Variants in CELF4 observed in about 807,000 individuals in gnomAD.
CELF4 encodes the protein CUG-BP- and ETR-3-like factor 4.
CELF4 carries 18 observed loss-of-function variants against 59.9 expected under a neutral mutation model. The observed-to-expected ratio is 0.30, with a 90% CI of 0.21 to 0.45. CELF4 has a LOEUF of 0.45. Among genes scored for constraint, CELF4 ranks in the 20% least tolerant of loss-of-function variants. The probability of loss-of-function intolerance (pLI) is 1.00; values close to 1 mark genes in which losing one functional copy is unlikely to be tolerated. For synonymous variants in CELF4, 261 were observed against 267.1 expected (o/e 0.98, Z 0.22); for missense variants, 456 against 689.0 (o/e 0.66, Z 3.79).
intron 2 of CELF4, among the ~76,000 whole-genome samples, chr18:37,472,728 G>A (rs545962716): frequency 1.3e-5 from 2 of 152,244 alleles, no homozygotes; most frequent in South Asian, 4.2e-4. Flanking sequence ...CCTGCCCAGC[G>A]GCATGGAGGG....
chr18:37,383,299 G>A (rs571001427), intron 2 of CELF4, among the ~76,000 whole-genome samples: 69 of 152,274 alleles, frequency 4.5e-4, no homozygotes, highest in African/African-American at 1.6e-3. Context: ...GCAGGGAGAC[G>A]TGGGTGGTGC....
At chr18:37,496,309 C>T (rs534904183) in intron 1 of CELF4, among the ~76,000 whole-genome samples, 1 of 152,204 alleles carries the variant, frequency 6.6e-6, no homozygotes, top group Non-Finnish European at 1.5e-5. Flanking sequence ...CTCTGGAACC[C>T]CCTTACCAAG....
At chr18:37,508,611 C>T (rs1292464720) in intron 1 of CELF4, among the ~76,000 whole-genome samples, 1 of 152,250 alleles carries the variant, frequency 6.6e-6, no homozygotes, top group Non-Finnish European at 1.5e-5. Context: ...ACAAATGCCA[C>T]AGGTGCAGCT....
chr18:37,546,641 A>G (rs1283038893), intron 1 of CELF4, among the ~76,000 whole-genome samples: 2 of 152,342 alleles, frequency 1.3e-5, no homozygotes, highest in East Asian at 1.9e-4. Context: ...TCTTTCCAGA[A>G]CAGCGTAGAA....
intron 2 of CELF4, among the ~76,000 whole-genome samples, chr18:37,472,084 G>A (rs1484674668): frequency 6.6e-6 from 1 of 152,238 alleles, no homozygotes; most frequent in Admixed American, 6.5e-5. Flanking sequence ...GAAGAATGGT[G>A]AACAGGGAGT....
At chr18:37,323,100 G>C (rs1048746803) in intron 2 of CELF4, among the ~76,000 whole-genome samples, 4 of 152,124 alleles carry the variant, frequency 2.6e-5, no homozygotes, top group Admixed American at 2.0e-4. Context: ...TTTTGGCTGC[G>C]TCAGGACAAC....
chr18:37,252,524 G>A lies in CELF4; in HGVS notation c.*44+1243C>T, dbSNP rs553357793. 2.0e-5 allele frequency among the ~76,000 whole-genome samples: 3 copies of A among 151,606 alleles called. No homozygotes were observed. The East Asian group carries it at 5.9e-4, about 30-fold the overall frequency. On this transcript the variant is annotated intron_variant, in intron 12 of 12. Coordinates refer to ENST00000420428, the MANE Select transcript of CELF4 (RefSeq NM_020180.4). ...AGTGGCCTTCAAGGCCCCACACCAG[G>A]TGGCCCTCCTCACTCTCCCAGCAAC...
intron 2 of CELF4, among the ~76,000 whole-genome samples, chr18:37,426,522 C>T (rs1226485568): frequency 6.6e-6 from 1 of 152,208 alleles, no homozygotes; most frequent in African/African-American, 2.4e-5. Flanking sequence ...TGGAGGAAGC[C>T]ACAAATGGCC....
chr18:37,565,754 C>T lies in CELF4; in HGVS notation c.-113G>A, dbSNP rs1339240160. On this transcript the variant is annotated 5_prime_UTR_variant, in exon 1 of 13. Coordinates refer to ENST00000420428, the MANE Select transcript of CELF4 (RefSeq NM_020180.4). ...ATACACACACTCGGGTTCTCTCCCC[C>T]TCGGTTTCTCTACACCTCGCTCTCC... 2.5e-6 allele frequency: 2 copies of T among 788,534 alleles called. No homozygotes were observed. Among genetic ancestry groups the T allele is most frequent in the Non-Finnish European group, 3.8e-6 (2 of 531,710 alleles). 48.8% of individuals were successfully genotyped at this position (788,534 alleles called of 1,614,324 possible).
At position 37,257,943 on chromosome 18, in the gene CELF4, G is replaced by T. The variant is rs139379343; in HGVS notation, c.1333+1238C>A. 1.2e-3 allele frequency among the ~76,000 whole-genome samples: 183 copies of T among 152,304 alleles called. 1 individual carries two copies. Among genetic ancestry groups the T allele is most frequent in the African/African-American group, 4.1e-3 (172 of 41,560 alleles). On this transcript the variant is annotated intron_variant, in intron 11 of 12. Transcript: ENST00000420428. Reference sequence around the variant, plus strand: ...GGGTGATATGAAATTCCAGGAGGAGGTCTGACGCTTGCTGGATAGGGTTGC... The same window carrying T: ...GGGTGATATGAAATTCCAGGAGGAGTTCTGACGCTTGCTGGATAGGGTTGC...
At chr18:37,506,326 G>A (rs2099937966) in intron 1 of CELF4, among the ~76,000 whole-genome samples, 1 of 151,794 alleles carries the variant, frequency 6.6e-6, no homozygotes, top group African/African-American at 2.4e-5. Flanking sequence ...AAACACAGCC[G>A]ACCAAAAAAT....
Position 37,244,668 on chromosome 18 carries a change from T to TC in CELF4, c.*573dup, listed in dbSNP as rs2061432680. 4 of 151,354 alleles carry TC rather than the reference T, an allele frequency of 2.6e-5. 1 individual carries two copies. The South Asian group carries it at 8.4e-4, about 32-fold the overall frequency. 9.4% of individuals were successfully genotyped at this position (151,354 alleles called of 1,614,324 possible). A position where few individuals can be genotyped will look rare whatever the true frequency, so the allele number is the denominator to read the frequency against. ...CAGCCATGAGGCAGGAAGGAGGGGGTCCTCCATTCCCCCTCTATTTGACAT... is the reference window on the plus strand; with the variant it reads ...CAGCCATGAGGCAGGAAGGAGGGGGTCCCTCCATTCCCCCTCTATTTGACAT... On this transcript the variant is annotated 3_prime_UTR_variant, in exon 13 of 13. Coordinates refer to ENST00000420428, the MANE Select transcript of CELF4 (RefSeq NM_020180.4).
chr18:37,398,027 G>A (rs921701830), intron 2 of CELF4, among the ~76,000 whole-genome samples: 11 of 152,202 alleles, frequency 7.2e-5, no homozygotes, highest in African/African-American at 2.7e-4. Context: ...GCCCGGGTCA[G>A]TGGCAACAGC....
At chr18:37,270,131 T>C (rs2090408163) in intron 8 of CELF4, among the ~76,000 whole-genome samples, 1 of 152,178 alleles carries the variant, frequency 6.6e-6, no homozygotes, top group African/African-American at 2.4e-5. Context: ...ACGGCTAAGT[T>C]TGAGGAAAAA....
intron 2 of CELF4, among the ~76,000 whole-genome samples, chr18:37,360,298 G>C (rs977507093): frequency 6.6e-6 from 1 of 152,154 alleles, no homozygotes; most frequent in Non-Finnish European, 1.5e-5. Context: ...AGAGACCTGA[G>C]GGCTCTGGGC....
At chr18:37,528,717 G>A (rs530625883) in intron 1 of CELF4, among the ~76,000 whole-genome samples, 98 of 152,236 alleles carry the variant, frequency 6.4e-4, no homozygotes, top group Non-Finnish European at 1.9e-4. Flanking sequence ...TCTCGAGTGG[G>A]AGGGAGAATC....
chr18:37,396,524 G>A (rs1035402075), intron 2 of CELF4, among the ~76,000 whole-genome samples: 1 of 152,172 alleles, frequency 6.6e-6, no homozygotes, highest in Non-Finnish European at 1.5e-5. Context: ...AAGCTGATGA[G>A]GTGAGCCGCT....
intron 2 of CELF4, among the ~76,000 whole-genome samples, chr18:37,367,625 TAGGAACAG>T (rs2098801828): frequency 6.6e-6 from 1 of 151,470 alleles, no homozygotes; most frequent in South Asian, 2.1e-4. Context: ...TTCCCAGGTG[TAGGAACAG>T]AGGAACAGAG....
In CELF4 at chr18:37,514,813, A is replaced by T. The variant is rs557238889; in HGVS notation, c.287-29206T>A. On this transcript the variant is annotated intron_variant, in intron 1 of 12. Coordinates refer to ENST00000420428, the MANE Select transcript of CELF4 (RefSeq NM_020180.4). ...TGGGGCTCCTTTAAATGGGTTTATT[A>T]AAAAAATCATTTACTGTGGGCTTTT... 2.0e-5 allele frequency among the ~76,000 whole-genome samples: 3 copies of T among 152,198 alleles called. No individual in the cohort carries two copies. In the South Asian group the frequency reaches 6.2e-4, roughly 32 times the overall value.
Sources: gnomAD v4.1 joint callset for allele counts (sites outside exome capture counted in the v4.1 genomes callset) on GRCh38, gnomAD v4.1.1 for gene constraint, MANE v1.5 for transcripts, NCBI Gene and HGNC (gene_info 2026-07-23, HGNC 2026-07-21) for gene names.